Variants in IFI16 observed in about 807,000 individuals in gnomAD.
IFI16 encodes the protein gamma-interferon-inducible protein 16.
In IFI16, 49 loss-of-function variants were observed where a neutral mutation model predicts 68.4. The observed-to-expected ratio is 0.72, with a 90% CI of 0.57 to 0.91. The LOEUF is 0.91. Ranked by LOEUF, IFI16 falls within the 40% of genes least tolerant of loss-of-function variation. The pLI, the probability that IFI16 is intolerant of heterozygous loss-of-function variation, is 0.00. For missense variants in IFI16, 878 were observed against 942.9 expected (o/e 0.93, Z 0.90); for synonymous variants, 307 against 315.0 (o/e 0.97, Z 0.27).
Position 159,051,819 on chromosome 1 carries a change from C to T in IFI16, c.1806C>T (p.Ala602=). 6.2e-7 allele frequency: 1 copy of T among 1,614,090 alleles called. No homozygotes were observed. The highest frequency in any genetic ancestry group is 8.5e-7 in the Non-Finnish European group (1 of 1,179,982). ...EPKEQKKMFH[A]TVATENEVFR... ...AAGAGCAGAAGAAAATGTTTCATGC[C>T]ACAGTGGCAACTGAGAATGAAGTCT... Residue 602 remains alanine (A), a synonymous_variant, in exon 10 of 12, where the codon GCC becomes GCT. Transcript: ENST00000295809.
intron 7 of IFI16, among the ~76,000 whole-genome samples, chr1:159,039,210 G>A (rs1188136838): frequency 6.6e-6 from 1 of 152,284 alleles, no homozygotes; most frequent in East Asian, 1.9e-4. Context: ...GTTTGTGAGT[G>A]TACAGTTGAA....
chr1:159,028,066 G>T (rs543740443), intron 6 of IFI16, among the ~76,000 whole-genome samples: 1 of 150,440 alleles, frequency 6.6e-6, no homozygotes, highest in Non-Finnish European at 1.5e-5. Flanking sequence ...TTCGTGTTTG[G>T]TTTGTTCTTG....
intron 6 of IFI16, among the ~76,000 whole-genome samples, chr1:159,023,121 T>G (rs1408161246): frequency 6.6e-6 from 1 of 152,292 alleles, no homozygotes; most frequent in South Asian, 2.1e-4. Flanking sequence ...GTTAAATTTT[T>G]TTTTTATCCG....
intron 1 of IFI16, among the ~76,000 whole-genome samples, chr1:159,012,051 T>TA (rs1263788884): frequency 2.0e-5 from 3 of 152,094 alleles, no homozygotes; most frequent in Non-Finnish European, 4.4e-5. Context: ...TAGGAACACC[T>TA]AAAAAAGTTT....
intron 6 of IFI16, among the ~76,000 whole-genome samples, chr1:159,023,450 TA>T (rs142504661): frequency 2.0e-5 from 3 of 152,076 alleles, no homozygotes; most frequent in African/African-American, 7.2e-5. Context: ...TTAGTCTACT[TA>T]AAAAAAATTT....
Position 159,045,564 on chromosome 1 carries a change from A to C in IFI16, c.1497+100A>C, listed in dbSNP as rs1440345056. ...CCTCACCAATCCCCTACTACATACAATGCTTTAATTTAACCAAATCAGTCA... is the reference window on the plus strand; with the variant it reads ...CCTCACCAATCCCCTACTACATACACTGCTTTAATTTAACCAAATCAGTCA... On this transcript the variant is annotated intron_variant, in intron 8 of 11. Transcript: ENST00000295809. The C allele has an allele frequency of 1.0e-4, 133 of 1,317,160 alleles. 1 individual carries two copies. Among genetic ancestry groups the C allele is most frequent in the Middle Eastern group, 9.9e-4 (5 of 5,028 alleles). 81.6% of individuals were successfully genotyped at this position (1,317,160 alleles called of 1,614,324 possible).
intron 6 of IFI16, among the ~76,000 whole-genome samples, chr1:159,023,799 G>T (rs1440837503): frequency 6.6e-6 from 1 of 152,202 alleles, no homozygotes. Flanking sequence ...TCTTGGAAAG[G>T]CTTGAGCTCC....
At chr1:159,016,819 A>T (rs1003379113) in intron 4 of IFI16, 119 bp downstream of exon 4, 18 of 852,568 alleles carry the variant, frequency 2.1e-5, no homozygotes, top group Non-Finnish European at 3.0e-5. Flanking sequence ...GTACATATTG[A>T]GAAACCACTA....
intron 7 of IFI16, among the ~76,000 whole-genome samples, chr1:159,038,435 G>T (rs1654442480): frequency 6.6e-6 from 1 of 152,136 alleles, no homozygotes; most frequent in Non-Finnish European, 1.5e-5. Flanking sequence ...CGCAATCAAA[G>T]CTCACTGCAA....
rs1655025410 is a variant in IFI16, at chr1:159,046,945, G to T, written c.1497+1481G>T. On this transcript the variant is annotated intron_variant, in intron 8 of 11. Transcript: ENST00000295809. ...TCCTAGGAGAAGATAACACAGAGGT[G>T]GGAAAGTGAATTTACACTTGTGTGT... Among the ~76,000 whole-genome samples the T allele has an allele frequency of 2.0e-5, 3 of 151,072 alleles. 1 individual carries two copies. Among genetic ancestry groups the T allele is most frequent in the African/African-American group, 7.3e-5 (3 of 41,210 alleles).
At position 159,020,134 on chromosome 1, in the gene IFI16, T is replaced by G. The variant is rs373663774; in HGVS notation, c.973-207T>G. Among the ~76,000 whole-genome samples, 5 of 152,264 alleles carry G rather than the reference T, an allele frequency of 3.3e-5. No homozygotes were observed. The East Asian group carries it at 9.6e-4, about 29-fold the overall frequency. Reference sequence around the variant, plus strand: ...AAGAAAACTCATTGTTCTAGAACTGTCATAGAAATATCTCAGATATGAAAG... The same window carrying G: ...AAGAAAACTCATTGTTCTAGAACTGGCATAGAAATATCTCAGATATGAAAG... On this transcript the variant is annotated intron_variant, in intron 5 of 11. Coordinates refer to ENST00000295809, the MANE Select transcript of IFI16 (RefSeq NM_001376587.1).
In IFI16 at chr1:159,018,495, G is replaced by A. The variant is rs751587132; in HGVS notation, c.816G>A (p.Glu272=). 2 of 1,614,016 alleles carry A rather than the reference G, an allele frequency of 1.2e-6. No homozygotes were observed. Among genetic ancestry groups the A allele is most frequent in the Non-Finnish European group, 8.5e-7 (1 of 1,179,924 alleles). Reference sequence around the variant, plus strand: ...ATTTGGAATATGATAGTCTCCTAGAGGTCAATGAAGAATCTACTGTATCTG... The same window carrying A: ...ATTTGGAATATGATAGTCTCCTAGAAGTCAATGAAGAATCTACTGTATCTG... The part of the protein sequence containing the change: ...SDYLEYDSLL[E]VNEESTVSEA... The change falls in exon 5 of 12, where the codon GAG becomes GAA. Residue 272 remains glutamate (E), a synonymous_variant. Coordinates refer to ENST00000295809, the MANE Select transcript of IFI16 (RefSeq NM_001376587.1).
intron 6 of IFI16, among the ~76,000 whole-genome samples, chr1:159,029,723 C>A (rs1653887694): frequency 6.7e-6 from 1 of 149,910 alleles, no homozygotes; most frequent in Non-Finnish European, 1.5e-5. Context: ...TCTTGTTGCC[C>A]AGGCTGGAGT....
chr1:159,050,329 CAT>C (rs1182824490), intron 9 of IFI16, among the ~76,000 whole-genome samples: 2 of 152,152 alleles, frequency 1.3e-5, no homozygotes, highest in Non-Finnish European at 2.9e-5. Context: ...AATAAGATCA[CAT>C]GTCTCTCAGA....
chr1:159,026,020 A>C (rs1009684103), intron 6 of IFI16, among the ~76,000 whole-genome samples: 3 of 152,100 alleles, frequency 2.0e-5, no homozygotes, highest in Non-Finnish European at 4.4e-5. Context: ...ATTCTGTTCC[A>C]TTGGTCTATA....
intron 6 of IFI16, among the ~76,000 whole-genome samples, chr1:159,031,959 G>A (rs747443678): frequency 5.0e-4 from 76 of 152,058 alleles, no homozygotes; most frequent in African/African-American, 1.8e-3. Context: ...TCCTGATATT[G>A]GGAAAAATAG....
chr1:159,019,583 C>T (rs1156717820), intron 5 of IFI16, among the ~76,000 whole-genome samples: 1 of 152,212 alleles, frequency 6.6e-6, no homozygotes, highest in African/African-American at 2.4e-5. Context: ...CTCAGCTTCC[C>T]AAGTAGCTGG....
chr1:159,052,780 G>A (rs903341328), intron 10 of IFI16: 1 of 152,058 alleles, frequency 6.6e-6, no homozygotes, highest in African/African-American at 2.4e-5. Context: ...AAAAAGCTTG[G>A]TGAATTCTTA....
chr1:159,011,602 TATC>T (rs895539508), intron 1 of IFI16, among the ~76,000 whole-genome samples: 9 of 151,966 alleles, frequency 5.9e-5, no homozygotes, highest in African/African-American at 1.7e-4. Context: ...TAATAAATAA[TATC>T]ATTAGATAAA....
Sources: gnomAD v4.1 joint callset for allele counts (sites outside exome capture counted in the v4.1 genomes callset) on GRCh38, gnomAD v4.1.1 for gene constraint, MANE v1.5 for transcripts, NCBI Gene and HGNC (gene_info 2026-07-23, HGNC 2026-07-21) for gene names.